MAD1L1: variants seen among roughly 807,000 people sequenced by gnomAD.
The protein encoded by MAD1L1 is mitotic spindle assembly checkpoint protein MAD1.
Under a neutral mutation model 96.9 loss-of-function variants are expected in MAD1L1, and 95 were observed. The ratio of observed to expected loss-of-function variants is 0.98; its 90% CI spans 0.83 to 1.16. The LOEUF is 1.16. Ranked by LOEUF, MAD1L1 falls within the 50% of genes most tolerant of loss-of-function variation. MAD1L1 has a pLI of 0.00. For synonymous variants in MAD1L1, 473 were observed against 396.6 expected (o/e 1.19, Z -2.29); for missense variants, 1,007 against 954.4 (o/e 1.06, Z -0.73).
At chr7:2,131,418 G>A (rs1392275079) in intron 11 of MAD1L1, among the ~76,000 whole-genome samples, 1 of 152,248 alleles carries the variant, frequency 6.6e-6, no homozygotes, top group Non-Finnish European at 1.5e-5. Flanking sequence ...GCAGAGCATG[G>A]AGATGAGAGG....
At chr7:1,834,386 A>C (rs1189119401) in intron 18 of MAD1L1, among the ~76,000 whole-genome samples, 2 of 152,240 alleles carry the variant, frequency 1.3e-5, no homozygotes, top group Non-Finnish European at 2.9e-5. Context: ...GTTTCTAGCC[A>C]GACTGACCTG....
At chr7:2,075,344 C>G (rs1189865292) in intron 11 of MAD1L1, among the ~76,000 whole-genome samples, 1 of 152,222 alleles carries the variant, frequency 6.6e-6, no homozygotes, top group Non-Finnish European at 1.5e-5. Flanking sequence ...ACCCCTCAGG[C>G]CCTGCAGGGC....
chr7:1,955,339 G>T (rs1438688673), intron 16 of MAD1L1, among the ~76,000 whole-genome samples: 1 of 152,240 alleles, frequency 6.6e-6, no homozygotes, highest in South Asian at 2.1e-4. Flanking sequence ...CACCCAGGCT[G>T]GAGTGCAGTG....
At chr7:1,990,407 C>T (rs1781356158) in intron 14 of MAD1L1, among the ~76,000 whole-genome samples, 1 of 152,174 alleles carries the variant, frequency 6.6e-6, no homozygotes, top group Non-Finnish European at 1.5e-5. Flanking sequence ...AAGGAGGCCT[C>T]GGGGGGATCT....
chr7:1,987,918 T>C (rs1383869557), intron 14 of MAD1L1, among the ~76,000 whole-genome samples: 2 of 152,146 alleles, frequency 1.3e-5, no homozygotes, highest in South Asian at 2.1e-4. Context: ...CACGGGACCA[T>C]GTCTGAAGCT....
At chr7:1,977,554 G>C (rs1200477898) in intron 15 of MAD1L1, among the ~76,000 whole-genome samples, 1 of 152,278 alleles carries the variant, frequency 6.6e-6, no homozygotes, top group South Asian at 2.1e-4. Flanking sequence ...CCAGCCCAGA[G>C]AGGGGCTCCC....
chr7:2,167,071 C>G (rs1790463629), intron 10 of MAD1L1, among the ~76,000 whole-genome samples: 1 of 152,164 alleles, frequency 6.6e-6, no homozygotes. Context: ...TAAAGCAACC[C>G]CGCTGTGGAC....
At chr7:1,921,687 G>A (rs1380735953) in intron 17 of MAD1L1, among the ~76,000 whole-genome samples, 3 of 152,052 alleles carry the variant, frequency 2.0e-5, no homozygotes, top group Admixed American at 2.0e-4. Flanking sequence ...TCAAAAAAAA[G>A]GATAAATGAA....
At chr7:2,139,791 C>A (rs1331467720) in intron 11 of MAD1L1, among the ~76,000 whole-genome samples, 1 of 152,228 alleles carries the variant, frequency 6.6e-6, no homozygotes, top group Non-Finnish European at 1.5e-5. Context: ...TCGGACCACA[C>A]TTCCCCCGAC....
intron 11 of MAD1L1, among the ~76,000 whole-genome samples, chr7:2,074,417 A>G (rs747016674): frequency 6.6e-6 from 1 of 152,192 alleles, no homozygotes; most frequent in Non-Finnish European, 1.5e-5. Context: ...AGACACTCAG[A>G]GATGGGCCCC....
At chr7:1,900,187 A>G (rs764449347) in intron 17 of MAD1L1, among the ~76,000 whole-genome samples, 2 of 152,176 alleles carry the variant, frequency 1.3e-5, no homozygotes, top group Non-Finnish European at 2.9e-5. Flanking sequence ...CCGATCCCCA[A>G]TCCACACACA....
At chr7:1,850,491 A>G (rs1783909143) in intron 18 of MAD1L1, among the ~76,000 whole-genome samples, 1 of 152,246 alleles carries the variant, frequency 6.6e-6, no homozygotes, top group Admixed American at 6.5e-5. Flanking sequence ...GGGGTACCCC[A>G]AGTTCCTGCA....
In MAD1L1 at chr7:2,230,066, T is replaced by G; in HGVS notation, c.68A>C (p.Gln23Pro). The G allele has an allele frequency of 6.2e-7, 1 of 1,613,208 alleles. No homozygotes were observed. Among genetic ancestry groups the G allele is most frequent in the Non-Finnish European group, 8.5e-7 (1 of 1,179,620 alleles). Residue 23 changes from glutamine (Q) to proline (P), a missense_variant, in exon 3 of 19, where the codon CAG becomes CCG. Transcript: ENST00000265854. Reference protein sequence around the residue: ...TLRSLNNFISQRVEGGSGLDI... With the variant: ...TLRSLNNFISPRVEGGSGLDI... ...CAGTCCAGAGCCTCCCTCCACACGC[T>G]GAGAGATGAAGTTGTTCAAAGATCT...
chr7:2,079,981 G>A (rs1179815059), intron 11 of MAD1L1: 10 of 326,268 alleles, frequency 3.1e-5, no homozygotes, highest in African/African-American at 1.5e-4. Flanking sequence ...ACCGTCTCCC[G>A]AGGTCAGAGA....
chr7:1,941,987 C>T (rs973932399), intron 16 of MAD1L1, among the ~76,000 whole-genome samples: 1 of 152,188 alleles, frequency 6.6e-6, no homozygotes, highest in East Asian at 1.9e-4. Flanking sequence ...AGAGGCAGCA[C>T]GGGAGGGGCA....
intron 10 of MAD1L1, among the ~76,000 whole-genome samples, chr7:2,209,573 C>T (rs1282211498): frequency 6.6e-6 from 1 of 152,200 alleles, no homozygotes; most frequent in African/African-American, 2.4e-5. Flanking sequence ...CAAGCAAGTC[C>T]CATGGTGGGA....
chr7:1,832,610 T>C (rs190490561), intron 18 of MAD1L1, among the ~76,000 whole-genome samples: 5,004 of 98,398 alleles, frequency 0.051, 338 homozygotes, highest in Middle Eastern at 0.083. Context: ...GCCAGCTTCA[T>C]TGCTGTGTTT....
At chr7:1,831,309 G>A (rs559412049) in intron 18 of MAD1L1, among the ~76,000 whole-genome samples, 4 of 151,950 alleles carry the variant, frequency 2.6e-5, no homozygotes, top group Non-Finnish European at 4.4e-5. Flanking sequence ...TAATGGTTTC[G>A]GAGCTCCACA....
chr7:2,222,587 G>A lies in MAD1L1; in HGVS notation c.459C>T (p.Ala153=). 6.2e-7 allele frequency: 1 copy of A among 1,607,598 alleles called. No individual in the cohort carries two copies. Among genetic ancestry groups the A allele is most frequent in the Non-Finnish European group, 8.5e-7 (1 of 1,177,204 alleles). ...KRLREKEDSL[A]QAGETINALK... The stretch of plus-strand genomic sequence containing the variant: ...AGGCCCCGCTCACCTCGCCAGCCTG[G>A]GCCAGACTGTCCTCTTTCTCACGCA... Residue 153 remains alanine (A), a synonymous_variant, in exon 5 of 19, where the codon GCC becomes GCT. Transcript: ENST00000265854.
Sources: gnomAD v4.1 joint callset for allele counts (sites outside exome capture counted in the v4.1 genomes callset) on GRCh38, gnomAD v4.1.1 for gene constraint, MANE v1.5 for transcripts, NCBI Gene and HGNC (gene_info 2026-07-23, HGNC 2026-07-21) for gene names.